Variants in SUDS3 observed in about 807,000 individuals in gnomAD.
The protein encoded by SUDS3 is SIN3A corepressor complex component SDS3, also known as sin3 histone deacetylase corepressor complex component SDS3.
SUDS3 carries 23 observed loss-of-function variants against 53.5 expected under a neutral mutation model. The ratio of observed to expected loss-of-function variants is 0.43; its 90% CI spans 0.31 to 0.61. The LOEUF (loss-of-function observed/expected upper bound fraction) is 0.61, where lower values mean the gene tolerates loss of function less well. Among genes scored for constraint, SUDS3 ranks in the 20% least tolerant of loss-of-function variants. The pLI is 0.10. For synonymous variants in SUDS3, 150 were observed against 148.5 expected (o/e 1.01, Z -0.08); for missense variants, 291 against 405.9 (o/e 0.72, Z 2.43).
rs1177369393 is a variant in SUDS3, at chr12:118,417,427, C to G, written c.*2994C>G. The G allele has an allele frequency of 6.6e-6, 1 of 151,908 alleles. No individual in the cohort carries two copies. Among genetic ancestry groups the G allele is most frequent in the Non-Finnish European group, 1.5e-5 (1 of 67,992 alleles). 9.4% of individuals were successfully genotyped at this position (151,908 alleles called of 1,614,324 possible). A position where few individuals can be genotyped will look rare whatever the true frequency, so the allele number is the denominator to read the frequency against. ...ACAGTTTTTTGGGTTTGGCTTCCTT[C>G]TCACATTTCTTTAGCTTTGAATTTT... On this transcript the variant is annotated 3_prime_UTR_variant, in exon 12 of 12. Transcript: ENST00000543473.
intron 4 of SUDS3, among the ~76,000 whole-genome samples, chr12:118,387,421 C>G (rs746384908): frequency 2.6e-5 from 4 of 152,154 alleles, no homozygotes; most frequent in Non-Finnish European, 4.4e-5. Flanking sequence ...ATATTAATAC[C>G]TCATGGAACT....
intron 4 of SUDS3, among the ~76,000 whole-genome samples, 173 bp downstream of exon 4, chr12:118,386,358 T>C (rs2046114938): frequency 6.6e-6 from 1 of 152,212 alleles, no homozygotes; most frequent in African/African-American, 2.4e-5. Flanking sequence ...GGTTTCATCT[T>C]CTGCTTCTGT....
chr12:118,381,641 T>C (rs1471802074), intron 2 of SUDS3, among the ~76,000 whole-genome samples: 1 of 151,964 alleles, frequency 6.6e-6, no homozygotes, highest in African/African-American at 2.4e-5. Flanking sequence ...CCTGCTTTGG[T>C]CTCCCAAAGT....
intron 10 of SUDS3, chr12:118,403,969 T>C (rs1170240605): frequency 5.9e-6 from 1 of 168,140 alleles, no homozygotes; most frequent in African/African-American, 2.4e-5. Context: ...CTTTGGGTCC[T>C]GCGATATGCT....
rs1177310136 is a variant in SUDS3, at chr12:118,408,306, TTAC to T, written c.804-2766_804-2764del. 3.3e-5 allele frequency among the ~76,000 whole-genome samples: 5 copies of T among 151,486 alleles called. No homozygotes were observed. The East Asian group carries it at 9.8e-4, about 30-fold the overall frequency. On this transcript the variant is annotated intron_variant, in intron 10 of 11. Coordinates refer to ENST00000543473, the MANE Select transcript of SUDS3 (RefSeq NM_022491.3). ...ACCTTGGCCTCCCAAAGTGCTAGGA[TTAC>T]AAGCATGAGCCACCATACCTGGCCA... is the stretch of plus-strand genomic sequence containing the variant.
intron 4 of SUDS3, among the ~76,000 whole-genome samples, chr12:118,389,257 G>A (rs952592765): frequency 5.3e-5 from 8 of 151,942 alleles, no homozygotes; most frequent in Non-Finnish European, 7.4e-5. Context: ...GCCCCAGCCC[G>A]TGGGAGAATT....
intron 4 of SUDS3, among the ~76,000 whole-genome samples, chr12:118,388,254 C>T (rs1016154314): frequency 1.3e-5 from 2 of 152,190 alleles, no homozygotes; most frequent in African/African-American, 4.8e-5. Flanking sequence ...TCTCTGTCAA[C>T]AACTGTTAAC....
At chr12:118,386,076 ATT>A in intron 3 of SUDS3, 36 bp from the exon 4 acceptor site, 1 of 1,477,284 alleles carries the variant, frequency 6.8e-7, no homozygotes, top group Non-Finnish European at 9.3e-7. Flanking sequence ...GCAGATTTAT[ATT>A]CACAATAATT....
chr12:118,386,902 C>A (rs898937508), intron 4 of SUDS3, among the ~76,000 whole-genome samples: 2 of 152,050 alleles, frequency 1.3e-5, no homozygotes, highest in Non-Finnish European at 2.9e-5. Context: ...CAGGAAATCG[C>A]GTGTATGTGT....
rs140583827 is a variant in SUDS3 at position 118,406,192 on chromosome 12, G to A, written c.803+2675G>A. On this transcript the variant is annotated intron_variant, in intron 10 of 11. Coordinates refer to ENST00000543473, the MANE Select transcript of SUDS3 (RefSeq NM_022491.3). ...TTGAAAATAACTAATTGATGGTACG[G>A]GTGGACTTCTGTTTTTCTCTCCTTG... Among the ~76,000 whole-genome samples, 637 of 152,242 alleles carry A rather than the reference G, an allele frequency of 4.2e-3. 1 individual carries two copies. The highest frequency in any genetic ancestry group is 0.015 in the African/African-American group (615 of 41,556).
At chr12:118,406,656 A>G (rs1329492426) in intron 10 of SUDS3, among the ~76,000 whole-genome samples, 1 of 151,996 alleles carries the variant, frequency 6.6e-6, no homozygotes, top group Non-Finnish European at 1.5e-5. Flanking sequence ...GGCTATTTAA[A>G]TATCTTTTTT....
At chr12:118,386,030 G>C in intron 3 of SUDS3, 84 bp from the exon 4 acceptor site, 2 of 1,046,794 alleles carry the variant, frequency 1.9e-6, no homozygotes, top group Non-Finnish European at 2.9e-6. Flanking sequence ...AGTCAGTGTT[G>C]ATGCTAGATA....
chr12:118,391,883 A>C (rs1238700160), intron 6 of SUDS3, among the ~76,000 whole-genome samples: 1 of 152,226 alleles, frequency 6.6e-6, no homozygotes, highest in Non-Finnish European at 1.5e-5. Flanking sequence ...AAACTGAACT[A>C]GTTTCCCATA....
At chr12:118,396,995 G>A (rs1317480383) in intron 6 of SUDS3, among the ~76,000 whole-genome samples, 1 of 152,288 alleles carries the variant, frequency 6.6e-6, no homozygotes, top group East Asian at 1.9e-4. Context: ...TTGGAGAGGA[G>A]TTATATGCCT....
At chr12:118,397,384 A>C (rs1478444546) in intron 6 of SUDS3, among the ~76,000 whole-genome samples, 1 of 152,158 alleles carries the variant, frequency 6.6e-6, no homozygotes, top group African/African-American at 2.4e-5. Flanking sequence ...TGAGAAATAG[A>C]ACTTCCAGGT....
chr12:118,376,724 G>T lies in SUDS3; in HGVS notation c.33G>T (p.Pro11=). 1.3e-6 allele frequency: 2 copies of T among 1,525,492 alleles called. No individual in the cohort carries two copies. Among genetic ancestry groups the T allele is most frequent in the South Asian group, 1.2e-5 (1 of 82,224 alleles). 94.5% of individuals were successfully genotyped at this position (1,525,492 alleles called of 1,614,324 possible). MSAAGLLAPA[P]AQAGAPPAPE... is the part of the protein sequence containing the mutation. Reference sequence around the variant, plus strand: ...CCGCGGGGCTGCTGGCCCCGGCCCCGGCCCAGGCTGGAGCGCCGCCGGCCC... The same window carrying T: ...CCGCGGGGCTGCTGGCCCCGGCCCCTGCCCAGGCTGGAGCGCCGCCGGCCC... The change falls in exon 1 of 12, where the codon CCG becomes CCT. Residue 11 remains proline, a synonymous_variant. Transcript: ENST00000543473.
intron 6 of SUDS3, among the ~76,000 whole-genome samples, chr12:118,395,184 T>G (rs1478600699): frequency 1.3e-5 from 2 of 150,650 alleles, no homozygotes; most frequent in African/African-American, 4.9e-5. Flanking sequence ...CCTCAAGATG[T>G]TCTTTCCTGG....
intron 9 of SUDS3, 81 bp downstream of exon 9, chr12:118,402,085 G>A: frequency 6.5e-7 from 1 of 1,535,122 alleles, no homozygotes; most frequent in Non-Finnish European, 9.0e-7. Flanking sequence ...TCAGGAAATG[G>A]TTGCAATTTT....
At chr12:118,389,749 AGACTT>A (rs1362032053) in intron 4 of SUDS3, among the ~76,000 whole-genome samples, 173 bp from the exon 5 acceptor site, 7 of 152,206 alleles carry the variant, frequency 4.6e-5, no homozygotes, top group Non-Finnish European at 1.0e-4. Flanking sequence ...CATTTTAACT[AGACTT>A]GAGTACTTGT....
Sources: gnomAD v4.1 joint callset for allele counts (sites outside exome capture counted in the v4.1 genomes callset) on GRCh38, gnomAD v4.1.1 for gene constraint, MANE v1.5 for transcripts, NCBI Gene and HGNC (gene_info 2026-07-23, HGNC 2026-07-21) for gene names.